Variants in PKIB observed in about 807,000 individuals in gnomAD.
PKIB encodes the protein cAMP-dependent protein kinase inhibitor beta.
PKIB carries 2 observed loss-of-function variants against 4.5 expected under a neutral mutation model. That is an observed-to-expected ratio of 0.44 (90% CI 0.18 to 1.39). PKIB has a LOEUF of 1.39. PKIB is among the 40% of genes most tolerant of loss of function. The pLI is 0.27. For synonymous variants in PKIB, 38 were observed against 36.0 expected (o/e 1.06, Z -0.20); for missense variants, 94 against 92.6 (o/e 1.02, Z -0.06).
intron 1 of PKIB, among the ~76,000 whole-genome samples, chr6:122,616,604 G>C (rs1318347515): frequency 6.6e-6 from 1 of 152,146 alleles, no homozygotes; most frequent in Non-Finnish European, 1.5e-5. Flanking sequence ...AATTTATGGA[G>C]CTGCTTTCCA....
At chr6:122,568,577 C>T (rs569477382) in intron 2 of PKIB, among the ~76,000 whole-genome samples, 2 of 152,330 alleles carry the variant, frequency 1.3e-5, no homozygotes, top group South Asian at 2.1e-4. Flanking sequence ...TCCCAGTCTT[C>T]AGTGTGAACC....
intron 2 of PKIB, among the ~76,000 whole-genome samples, chr6:122,552,660 G>A (rs1351081994): frequency 1.3e-5 from 2 of 152,096 alleles, no homozygotes; most frequent in Non-Finnish European, 2.9e-5. Context: ...TTACAGGCAC[G>A]AGCCACCACA....
At chr6:122,590,561 A>G (rs926796189) in intron 3 of PKIB, among the ~76,000 whole-genome samples, 12 of 152,348 alleles carry the variant, frequency 7.9e-5, no homozygotes, top group African/African-American at 2.9e-4. Context: ...GTGGAAGTGT[A>G]TAAATGTAGG....
chr6:122,673,833 G>T (rs927783788), intron 2 of PKIB, among the ~76,000 whole-genome samples: 6 of 152,318 alleles, frequency 3.9e-5, no homozygotes, highest in South Asian at 4.2e-4. Context: ...ACACTAAACT[G>T]AAATGTGTAA....
chr6:122,561,464 C>T (rs1324833973), intron 2 of PKIB, among the ~76,000 whole-genome samples: 4 of 151,718 alleles, frequency 2.6e-5, no homozygotes, highest in African/African-American at 7.3e-5. Flanking sequence ...CATTTTTGGC[C>T]TATCATATGA....
intron 2 of PKIB, among the ~76,000 whole-genome samples, chr6:122,548,209 T>G (rs186202776): frequency 2.0e-5 from 3 of 152,332 alleles, no homozygotes; most frequent in African/African-American, 7.2e-5. Context: ...AGATGACCCT[T>G]GACTCATTTT....
intron 4 of PKIB, among the ~76,000 whole-genome samples, chr6:122,721,802 CAT>C (rs35364615): frequency 0.42 from 62,302 of 148,818 alleles, 14,212 homozygotes; most frequent in South Asian, 0.64. Context: ...CATGTTACTA[CAT>C]ATATATATAT....
At chr6:122,501,296 G>GT (rs1776227783) in intron 2 of PKIB, among the ~76,000 whole-genome samples, 1 of 152,208 alleles carries the variant, frequency 6.6e-6, no homozygotes, top group Non-Finnish European at 1.5e-5. Context: ...TGGGGCTACA[G>GT]GCATTGGGTA....
chr6:122,681,266 A>C (rs1289043585), intron 3 of PKIB, among the ~76,000 whole-genome samples: 1 of 152,208 alleles, frequency 6.6e-6, no homozygotes, highest in Non-Finnish European at 1.5e-5. Context: ...ACAATTATAA[A>C]ACTGTTTGGG....
At chr6:122,605,209 T>G (rs1267878262) in intron 3 of PKIB, among the ~76,000 whole-genome samples, 2 of 152,360 alleles carry the variant, frequency 1.3e-5, no homozygotes, top group African/African-American at 4.8e-5. Context: ...TTAGTTATGC[T>G]GCTGCCCCTG....
chr6:122,500,870 T>A (rs1201305215), intron 2 of PKIB, among the ~76,000 whole-genome samples: 1 of 152,082 alleles, frequency 6.6e-6, no homozygotes, highest in East Asian at 1.9e-4. Context: ...GGCACAGTCT[T>A]CATATAGTAG....
At chr6:122,672,412 T>C (rs148594220) in intron 2 of PKIB, among the ~76,000 whole-genome samples, 8 of 152,360 alleles carry the variant, frequency 5.3e-5, no homozygotes, top group African/African-American at 1.9e-4. Flanking sequence ...AATGTGCATG[T>C]GTTTCTACTG....
At chr6:122,717,609 C>T (rs1779550737) in intron 3 of PKIB, 178 bp from the exon 4 acceptor site, 3 of 629,958 alleles carry the variant, frequency 4.8e-6, no homozygotes, top group East Asian at 5.4e-5. Context: ...CTGCTCTATT[C>T]AGCAAATGTG....
At chr6:122,543,814 A>G (rs900550074) in intron 2 of PKIB, among the ~76,000 whole-genome samples, 21 of 152,178 alleles carry the variant, frequency 1.4e-4, no homozygotes, top group African/African-American at 4.8e-4. Context: ...TCAACTCATT[A>G]TGTGGGATAA....
Position 122,717,922 on chromosome 6 carries a change from C to T in PKIB, c.128C>T (p.Ser43Leu). The change falls in exon 4 of 5, where the codon TCA (serine) becomes TTA (leucine). Residue 43 changes from serine (S) to leucine (L), a missense_variant. Transcript: ENST00000368452. ...IQSSAATDGT[S>L]DLPLKLEALS... ...AGTTCAGCTGCCACAGACGGAACCT[C>T]AGATTTGCCCCTCAAACTGGAGGCT... The T allele has an allele frequency of 6.2e-7, 1 of 1,613,910 alleles. No individual in the cohort carries two copies. Among genetic ancestry groups the T allele is most frequent in the Non-Finnish European group, 8.5e-7 (1 of 1,179,820 alleles).
At chr6:122,624,812 A>T (rs1775372781) in intron 1 of PKIB, among the ~76,000 whole-genome samples, 1 of 152,174 alleles carries the variant, frequency 6.6e-6, no homozygotes, top group South Asian at 2.1e-4. Flanking sequence ...TTTGCAAAAG[A>T]TCCACTCTGT....
intron 2 of PKIB, among the ~76,000 whole-genome samples, chr6:122,648,504 A>T (rs189921269): frequency 2.3e-4 from 35 of 152,314 alleles, no homozygotes; most frequent in African/African-American, 7.7e-4. Context: ...GTTTTCTATT[A>T]TGCCATCTAA....
At chr6:122,505,337 A>C (rs1170435214) in intron 2 of PKIB, among the ~76,000 whole-genome samples, 1 of 152,058 alleles carries the variant, frequency 6.6e-6, no homozygotes, top group Non-Finnish European at 1.5e-5. Context: ...TCCACAACTT[A>C]TTGTCCCATA....
At chr6:122,542,155 G>A (rs1323407157) in intron 2 of PKIB, among the ~76,000 whole-genome samples, 1 of 151,948 alleles carries the variant, frequency 6.6e-6, no homozygotes, top group Non-Finnish European at 1.5e-5. Flanking sequence ...AGAGTAGTTT[G>A]ATTGTCTGAA....
Sources: allele counts gnomAD v4.1 joint callset (sites outside exome capture counted in the v4.1 genomes callset), GRCh38; gene constraint gnomAD v4.1.1; transcripts MANE v1.5; gene names NCBI Gene and HGNC (gene_info 2026-07-23, HGNC 2026-07-21).